MYO15A: variants seen among roughly 807,000 people sequenced by gnomAD.
MYO15A encodes the protein myosin XVA, also known as unconventional myosin-XV.
A neutral mutation model predicts 394.6 loss-of-function variants in MYO15A; 308 were observed. The ratio of observed to expected loss-of-function variants is 0.78; its 90% CI spans 0.71 to 0.86. The LOEUF (loss-of-function observed/expected upper bound fraction) is 0.86. Among genes scored for constraint, MYO15A ranks in the 40% least tolerant of loss-of-function variants. MYO15A has a pLI of 0.00. For missense variants in MYO15A, 4,606 were observed against 4,799.1 expected, an observed-to-expected ratio of 0.96 and a Z score of 1.19; for synonymous variants, 1,957 against 2,003.8, an observed-to-expected ratio of 0.98 and a Z score of 0.62.
At position 18,147,963 on chromosome 17, in the gene MYO15A, C is replaced by T. The variant is rs549730178; in HGVS notation, c.6510-66C>T. The T allele has an allele frequency of 8.9e-5, 143 of 1,598,082 alleles. No individual in the cohort carries two copies. In the African/African-American group the frequency reaches 1.7e-3, roughly 19 times the overall value. On this transcript the variant is annotated intron_variant, in intron 30 of 65. Transcript: ENST00000647165. This position sits in a 1 kb window ranked among gnomAD's most constrained non-coding sequence, Gnocchi z 4.4. Reference sequence around the variant, plus strand: ...GCCTCAGAATTTCCTACCCCCACCCCGCAGCCCTCAGCCCCAAGCTAGCTT... The same window carrying T: ...GCCTCAGAATTTCCTACCCCCACCCTGCAGCCCTCAGCCCCAAGCTAGCTT...
chr17:18,112,334 C>T (rs370400661), intron 1 of MYO15A, among the ~76,000 whole-genome samples: 5 of 152,072 alleles, frequency 3.3e-5, no homozygotes, highest in African/African-American at 1.2e-4. Flanking sequence ...CTGAGAGCCC[C>T]TCTAAAGTGG....
At position 18,146,006 on chromosome 17, in the gene MYO15A, G is replaced by C. The variant is rs1223551594; in HGVS notation, c.6408G>C (p.Trp2136Cys). 3.7e-6 allele frequency: 6 copies of C among 1,613,894 alleles called. No homozygotes were observed. The highest frequency in any genetic ancestry group is 5.1e-6 in the Non-Finnish European group (6 of 1,180,020). The part of the protein sequence containing the change: ...EILAQLANQV[W>C]HNHNAHNAER... The stretch of plus-strand genomic sequence containing the variant: ...TGGCACAGCTGGCCAATCAGGTGTG[G>C]CACAATCACAATGCCCACAATGCTG... The change falls in exon 30 of 66, where the codon TGG becomes TGC. Residue 2136 changes from tryptophan to cysteine, a missense_variant. Physicochemically the swap from Trp to Cys is radical, Grantham distance 215 (BLOSUM62 -2). This residue lies in a region of MYO15A where 2,776 missense variants were observed against 3,109.3 expected (regional missense o/e 0.89). Coordinates refer to ENST00000647165, the MANE Select transcript of MYO15A (RefSeq NM_016239.4).
At chr17:18,152,441 T>G (rs1303392972) in intron 42 of MYO15A, among the ~76,000 whole-genome samples, 2 of 152,070 alleles carry the variant, frequency 1.3e-5, no homozygotes, top group Non-Finnish European at 1.5e-5. Context: ...GATGGGGAAA[T>G]GGAGGCACAG....
chr17:18,112,834 T>C (rs1101727), intron 1 of MYO15A, among the ~76,000 whole-genome samples: 67,071 of 150,596 alleles, frequency 0.45, 16,062 homozygotes, highest in South Asian at 0.71. Context: ...ATTTCTTATG[T>C]ATCTTTTGCT....
chr17:18,139,321 G>A (rs1265340245), intron 18 of MYO15A: 9 of 647,000 alleles, frequency 1.4e-5, no homozygotes, highest in Non-Finnish European at 2.5e-5. Flanking sequence ...CTCATCTGTA[G>A]AATGGGCACA....
rs1484536795 is a variant in MYO15A at position 18,119,736 on chromosome 17, C to T, written c.936C>T (p.Tyr312=). The change falls in exon 2 of 66, where the codon TAC becomes TAT. Residue 312 remains tyrosine (Y), a synonymous_variant. Transcript: ENST00000647165. Reference sequence around the variant, plus strand: ...CCTACGGCTACGGCTACGACGATTACGAACCCCCATATGCGCCCCCGTCGG... The same window carrying T: ...CCTACGGCTACGGCTACGACGATTATGAACCCCCATATGCGCCCCCGTCGG... The part of the protein sequence containing the change: ...GYTYGYGYDD[Y]EPPYAPPSGY... 7 of 1,612,562 alleles carry T rather than the reference C, an allele frequency of 4.3e-6. No homozygotes were observed. The highest frequency in any genetic ancestry group is 1.6e-4 in the Middle Eastern group (1 of 6,062).
chr17:18,121,206 C>G lies in MYO15A; in HGVS notation c.2406C>G (p.Arg802=), dbSNP rs1265404821. 29 of 1,502,002 alleles carry G rather than the reference C, an allele frequency of 1.9e-5. No homozygotes were observed. Among genetic ancestry groups the G allele is most frequent in the Non-Finnish European group, 2.0e-5 (23 of 1,132,016 alleles). 93.0% of individuals were successfully genotyped at this position (1,502,002 alleles called of 1,614,324 possible). The part of the protein sequence containing the change: ...LAPPSPQLSL[R]TGPFQPPFLP... Reference sequence around the variant, plus strand: ...CCCCGTCGCCTCAGCTGTCCTTGCGCACGGGCCCCTTCCAGCCGCCCTTCC... The same window carrying G: ...CCCCGTCGCCTCAGCTGTCCTTGCGGACGGGCCCCTTCCAGCCGCCCTTCC... The change falls in exon 2 of 66, where the codon CGC becomes CGG. Residue 802 remains arginine, a synonymous_variant. Transcript: ENST00000647165. This position sits in a 1 kb window ranked among gnomAD's most constrained non-coding sequence, Gnocchi z 5.3.
At chr17:18,165,737 G>A (rs1276622487) in intron 60 of MYO15A, among the ~76,000 whole-genome samples, 1 of 152,256 alleles carries the variant, frequency 6.6e-6, no homozygotes, top group Non-Finnish European at 1.5e-5. Flanking sequence ...GTGACTTACA[G>A]TCACACAGTG....
In MYO15A at chr17:18,136,714, G is replaced by A. The variant is rs200679052; in HGVS notation, c.4779+28G>A. 74 of 1,568,626 alleles carry A rather than the reference G, an allele frequency of 4.7e-5. No homozygotes were observed. In the African/African-American group the frequency reaches 4.8e-4, roughly 10 times the overall value. On this transcript the variant is annotated intron_variant, in intron 15 of 65. Coordinates refer to ENST00000647165, the MANE Select transcript of MYO15A (RefSeq NM_016239.4). The stretch of plus-strand genomic sequence containing the variant: ...GGGGCCGTGTAGGAGGCTGAGGGGC[G>A]GGGGACATAGGCAAGGTCTCGCCTC...
At chr17:18,173,635 A>G in intron 64 of MYO15A, 146 bp from the exon 65 acceptor site, 1 of 1,062,784 alleles carries the variant, frequency 9.4e-7, no homozygotes. Flanking sequence ...TGATTTGCTC[A>G]AGGTCACGCA....
Position 18,135,909 on chromosome 17 carries a change from C to A in MYO15A, c.4596+85C>A, listed in dbSNP as rs181831733. On this transcript the variant is annotated intron_variant, in intron 13 of 65. Transcript: ENST00000647165. ...GCTTGTGCCGATCCTTTGTGGGCAG[C>A]CTCTCCCTCTCTCCTGCTCTCTCTG... is the stretch of plus-strand genomic sequence containing the variant. The A allele has an allele frequency of 3.3e-6, 4 of 1,225,172 alleles. No homozygotes were observed. The African/African-American group carries it at 4.5e-5, about 14-fold the overall frequency. 75.9% of individuals were successfully genotyped at this position (1,225,172 alleles called of 1,614,324 possible).
chr17:18,142,161 G>T lies in MYO15A; in HGVS notation c.5732G>T (p.Arg1911Leu). ...AATCTGGCAGCCCTCACTCTGCAGC[G>T]CTGCCTCCGTGGCTTCTTCATTAAG... ...VLNLAALTLQRCLRGFFIKRR... is the reference protein window; with the variant it reads ...VLNLAALTLQLCLRGFFIKRR... Residue 1911 changes from arginine (R) to leucine (L), a missense_variant, in exon 24 of 66, where the codon CGC (arginine) becomes CTC (leucine). Arg to Leu is a moderately radical substitution (Grantham distance 102). Transcript: ENST00000647165. 1 of 1,613,836 alleles carries T rather than the reference G, an allele frequency of 6.2e-7. No individual in the cohort carries two copies. Among genetic ancestry groups the T allele is most frequent in the Non-Finnish European group, 8.5e-7 (1 of 1,180,032 alleles).
rs777434341 is a variant in MYO15A at position 18,136,446 on chromosome 17, C to T, written c.4626C>T (p.Pro1542=). The change falls in exon 14 of 66, where the codon CCC becomes CCT. Residue 1542 remains proline, a synonymous_variant. Coordinates refer to ENST00000647165, the MANE Select transcript of MYO15A (RefSeq NM_016239.4). ...TETMREKIFT[P]LTVESAVDAR... ...CAATGCGAGAGAAGATCTTCACGCC[C>T]CTAACTGTGGAGAGCGCTGTGGATG... The T allele has an allele frequency of 1.9e-6, 3 of 1,613,774 alleles. No homozygotes were observed. The highest frequency in any genetic ancestry group is 2.2e-5 in the South Asian group (2 of 91,090).
rs192461107 is a variant in MYO15A at position 18,162,302 on chromosome 17, C to T, written c.9518-283C>T. 1.6e-4 allele frequency among the ~76,000 whole-genome samples: 24 copies of T among 152,232 alleles called. No homozygotes were observed. The East Asian group carries it at 3.9e-3, about 25-fold the overall frequency. On this transcript the variant is annotated intron_variant, in intron 57 of 65. Coordinates refer to ENST00000647165, the MANE Select transcript of MYO15A (RefSeq NM_016239.4). ...CCCAGTCAGCAGCTCAGGGTGACAG[C>T]GGTTTCCAGGCGTATAGGTTGCCAA...
chr17:18,162,169 T>C (rs981673850), intron 57 of MYO15A, among the ~76,000 whole-genome samples: 7 of 152,074 alleles, frequency 4.6e-5, no homozygotes, highest in African/African-American at 1.2e-4. Context: ...GATGCTGGGG[T>C]CTCCTGCACT....
In MYO15A at chr17:18,120,837, G is replaced by A. The variant is rs1267617969; in HGVS notation, c.2037G>A (p.Pro679=). Residue 679 remains proline (P), a synonymous_variant, in exon 2 of 66, where the codon CCG becomes CCA. Transcript: ENST00000647165. The part of the protein sequence containing the change: ...PPSSGPPPAP[P]LSPALSGLPR... ...GCTCCGGGCCCCCGCCCGCGCCGCC[G>A]CTCTCCCCGGCGCTCTCGGGCCTGC... 8.5e-7 allele frequency: 1 copy of A among 1,171,054 alleles called. No individual in the cohort carries two copies. The highest frequency in any genetic ancestry group is 1.1e-6 in the Non-Finnish European group (1 of 949,056). The allele number at this position is 1,171,054 out of a possible 1,614,324, so 72.5% of individuals were successfully genotyped here.
At chr17:18,169,381 G>A (rs1265261315) in intron 62 of MYO15A, 1 of 151,336 alleles carries the variant, frequency 6.6e-6, no homozygotes, top group Non-Finnish European at 1.5e-5. Flanking sequence ...GGCAGGTGGA[G>A]GGAGGTTGCA....
Position 18,121,190 on chromosome 17 carries a change from C to T in MYO15A, c.2390C>T (p.Pro797Leu), listed in dbSNP as rs1347500600. The T allele has an allele frequency of 1.3e-6, 2 of 1,509,192 alleles. No individual in the cohort carries two copies. Among genetic ancestry groups the T allele is most frequent in the East Asian group, 5.4e-5 (2 of 36,754 alleles). 93.5% of individuals were successfully genotyped at this position (1,509,192 alleles called of 1,614,324 possible). A position where few individuals can be genotyped will look rare whatever the true frequency, so the allele number is the denominator to read the frequency against. The change falls in exon 2 of 66, where the codon CCT (proline) becomes CTT (leucine). Residue 797 changes from proline (P) to leucine (L), a missense_variant. This residue lies in a region of MYO15A where 1,830 missense variants were observed against 1,689.7 expected (regional missense o/e 1.08). Coordinates refer to ENST00000647165, the MANE Select transcript of MYO15A (RefSeq NM_016239.4). The surrounding 1 kb of genome is among the most constrained non-coding windows in gnomAD (Gnocchi z 5.3). ...GYCSPLAPPS[P>L]QLSLRTGPFQ... The stretch of plus-strand genomic sequence containing the variant: ...TGCTCACCCTTGGCGCCCCCGTCGC[C>T]TCAGCTGTCCTTGCGCACGGGCCCC...
chr17:18,126,866 G>C lies in MYO15A; in HGVS notation c.3941+1G>C. ...AACAGAACCAGTGCATAATCATTAG[G>C]TGAGTGGGCTGCCTTTATGTGGGGG... On this transcript the variant is annotated splice_donor_variant, in intron 6 of 65. Transcript: ENST00000647165. LOFTEE classifies it high-confidence loss of function. The C allele has an allele frequency of 6.2e-7, 1 of 1,614,040 alleles. No individual in the cohort carries two copies. The highest frequency in any genetic ancestry group is 8.5e-7 in the Non-Finnish European group (1 of 1,180,022).
Sources: allele counts gnomAD v4.1 joint callset (sites outside exome capture counted in the v4.1 genomes callset), GRCh38; gene constraint gnomAD v4.1.1; regional missense constraint gnomAD v4.1.1; non-coding constraint Gnocchi (gnomAD v3.1); transcripts MANE v1.5; gene names NCBI Gene and HGNC (gene_info 2026-07-23, HGNC 2026-07-21).